The following CDC45 variants were observed in gnomAD, a reference collection of about 807,000 sequenced individuals.
CDC45 encodes cell division control protein 45 homolog.
CDC45 carries 54 observed loss-of-function variants against 77.8 expected under a neutral mutation model. The observed-to-expected ratio is 0.69, with a 90% CI of 0.56 to 0.87. CDC45 has a LOEUF of 0.87. CDC45 is among the 40% of genes least tolerant of loss of function. The pLI is 0.00. For missense variants in CDC45, 649 were observed against 721.6 expected, an observed-to-expected ratio of 0.90 and a Z score of 1.15; for synonymous variants, 260 against 272.1, an observed-to-expected ratio of 0.96 and a Z score of 0.44.
chr22:19,519,008 G>C, intron 18 of CDC45, 99 bp downstream of exon 18: 1 of 914,494 alleles, frequency 1.1e-6, no homozygotes, highest in Admixed American at 1.9e-5. Flanking sequence ...CTTCTACTTG[G>C]GTTTCAGACC....
chr22:19,490,781 C>T (rs1046027330), intron 5 of CDC45, among the ~76,000 whole-genome samples: 2 of 151,266 alleles, frequency 1.3e-5, no homozygotes, highest in Non-Finnish European at 2.9e-5. Flanking sequence ...TCACAGTCTA[C>T]TGGTATCATC....
At chr22:19,508,315 A>T (rs1003431105) in intron 12 of CDC45, among the ~76,000 whole-genome samples, 1 of 152,206 alleles carries the variant, frequency 6.6e-6, no homozygotes, top group African/African-American at 2.4e-5. Context: ...CCCCTAAGCC[A>T]GCCATAAAGC....
chr22:19,511,529 C>T (rs1040662451), intron 13 of CDC45, among the ~76,000 whole-genome samples: 1 of 151,994 alleles, frequency 6.6e-6, no homozygotes, highest in African/African-American at 2.4e-5. Context: ...GAGATCTTAC[C>T]ATGTTGCTCA....
At position 19,489,748 on chromosome 22, in the gene CDC45, A is replaced by G. The variant is rs145997643; in HGVS notation, c.487-4579A>G. 1.1e-4 allele frequency among the ~76,000 whole-genome samples: 17 copies of G among 152,384 alleles called. No individual in the cohort carries two copies. The East Asian group carries it at 2.7e-3, about 24-fold the overall frequency. On this transcript the variant is annotated intron_variant, in intron 5 of 18. Coordinates refer to ENST00000263201, the MANE Select transcript of CDC45 (RefSeq NM_003504.5). ...CATTTGCAGTCAGTCAAAAAAATGC[A>G]TAGTCTGCTGTTGTTGGGTAGAGTT...
At chr22:19,517,169 C>T (rs1240035522) in intron 17 of CDC45, among the ~76,000 whole-genome samples, 5 of 152,260 alleles carry the variant, frequency 3.3e-5, no homozygotes, top group Admixed American at 6.5e-5. Context: ...ACTTTCCCAG[C>T]AAGCCTAGGG....
intron 9 of CDC45, among the ~76,000 whole-genome samples, chr22:19,503,282 A>G (rs780286685): frequency 1.6e-4 from 25 of 152,188 alleles, no homozygotes; most frequent in Admixed American, 6.5e-5. Context: ...TTGTCTTCCC[A>G]GTTTCACAAG....
At chr22:19,486,630 T>C (rs576854408) in intron 5 of CDC45, among the ~76,000 whole-genome samples, 93 of 152,204 alleles carry the variant, frequency 6.1e-4, no homozygotes, top group Non-Finnish European at 1.2e-3. Context: ...AGAATACTTT[T>C]TATATAATTA....
At chr22:19,492,588 G>A (rs1329355663) in intron 5 of CDC45, among the ~76,000 whole-genome samples, 1 of 152,090 alleles carries the variant, frequency 6.6e-6, no homozygotes, top group Admixed American at 6.5e-5. Context: ...TAACAACTCT[G>A]TCATCTTGCT....
At position 19,520,064 on chromosome 22, in the gene CDC45, T is replaced by C. The variant is rs1238278339; in HGVS notation, c.*2-417T>C. 3.9e-5 allele frequency among the ~76,000 whole-genome samples: 6 copies of C among 152,130 alleles called. No homozygotes were observed. Among genetic ancestry groups the C allele is most frequent in the South Asian group, 4.1e-4 (2 of 4,824 alleles). On this transcript the variant is annotated intron_variant, in intron 18 of 18. Transcript: ENST00000263201. This position sits in a 1 kb window ranked among gnomAD's most constrained non-coding sequence, Gnocchi z 4.5. The stretch of plus-strand genomic sequence containing the variant: ...GGCTCTCTGGCAGTGGAGTGGGTGC[T>C]AGAGGCAAACCCCTCCCCTGCAGCC...
rs147990927 is a variant in CDC45 at position 19,505,371 on chromosome 22, C to T, written c.714C>T (p.Tyr238=). Residue 238 remains tyrosine (Y), a synonymous_variant, in exon 10 of 19, where the codon TAC becomes TAT. Transcript: ENST00000263201. ...CTACTTTTTTTTCCAGAATGAAATACGTGACTGATGTTGGTGTCCTGCAGC... is the reference window on the plus strand; with the variant it reads ...CTACTTTTTTTTCCAGAATGAAATATGTGACTGATGTTGGTGTCCTGCAGC... ...WVQDKITQMK[Y]VTDVGVLQRH... is the part of the protein sequence containing the mutation. 6.6e-5 allele frequency: 106 copies of T among 1,614,028 alleles called. No individual in the cohort carries two copies. In the East Asian group the frequency reaches 1.6e-3, roughly 25 times the overall value.
chr22:19,487,286 T>C (rs866282649), intron 5 of CDC45, among the ~76,000 whole-genome samples: 66 of 129,348 alleles, frequency 5.1e-4, no homozygotes, highest in African/African-American at 1.9e-3. Flanking sequence ...AGCAATACTC[T>C]TGTCTCAAAA....
chr22:19,483,205 G>A (rs966195278), intron 4 of CDC45, among the ~76,000 whole-genome samples: 2 of 152,222 alleles, frequency 1.3e-5, no homozygotes, highest in African/African-American at 4.8e-5. Context: ...GGCCGAGGCA[G>A]GCGGATTACG....
intron 5 of CDC45, among the ~76,000 whole-genome samples, chr22:19,488,140 G>C (rs1272094474): frequency 1.3e-5 from 2 of 152,222 alleles, no homozygotes; most frequent in Non-Finnish European, 2.9e-5. Flanking sequence ...CTTTGTGACT[G>C]TAGGCAAGTG....
intron 5 of CDC45, among the ~76,000 whole-genome samples, chr22:19,489,560 T>C (rs181981130): frequency 6.6e-6 from 1 of 152,352 alleles, no homozygotes; most frequent in Admixed American, 6.5e-5. Context: ...CATGTTTGCT[T>C]GTATCAATGG....
chr22:19,503,352 G>A lies in CDC45; in HGVS notation c.705-2010G>A, dbSNP rs117731850. 2.2e-4 allele frequency among the ~76,000 whole-genome samples: 33 copies of A among 152,214 alleles called. No individual in the cohort carries two copies. In the East Asian group the frequency reaches 4.8e-3, roughly 22 times the overall value. On this transcript the variant is annotated intron_variant, in intron 9 of 18. Coordinates refer to ENST00000263201, the MANE Select transcript of CDC45 (RefSeq NM_003504.5). ...CAATATTTCTCATTCCAGCTGAGAC[G>A]ATATACACACAACAAAAATGCAGAC...
In CDC45 at chr22:19,497,448, G is replaced by C. The variant is rs763308441; in HGVS notation, c.653+1G>C. On this transcript the variant is annotated splice_donor_variant, in intron 8 of 18. Transcript: ENST00000263201. LOFTEE classifies it high-confidence loss of function. Reference sequence around the variant, plus strand: ...CCAAGGACCTGAATGACATGCTGTGGTACGTAGCCCCTGCGGCAGCTGTGT... The same window carrying C: ...CCAAGGACCTGAATGACATGCTGTGCTACGTAGCCCCTGCGGCAGCTGTGT... 6.2e-7 allele frequency: 1 copy of C among 1,613,668 alleles called. No individual in the cohort carries two copies. The highest frequency in any genetic ancestry group is 8.5e-7 in the Non-Finnish European group (1 of 1,179,582).
chr22:19,503,973 C>T (rs530228030), intron 9 of CDC45, among the ~76,000 whole-genome samples: 2 of 152,254 alleles, frequency 1.3e-5, no homozygotes, highest in African/African-American at 2.4e-5. Context: ...AGGCAGGGCA[C>T]GGGTGGCAGC....
chr22:19,480,254 C>T (rs747115945), intron 2 of CDC45, 37 bp downstream of exon 2: 14 of 1,596,140 alleles, frequency 8.8e-6, no homozygotes, highest in Non-Finnish European at 1.1e-5. Flanking sequence ...GGGGCCGGCG[C>T]GCGAGGTGAG....
rs748649876 is a variant in CDC45, at chr22:19,514,855, C to T, written c.1324C>T (p.Gln442Ter). 2 of 1,614,236 alleles carry T rather than the reference C, an allele frequency of 1.2e-6. No individual in the cohort carries two copies. Among genetic ancestry groups the T allele is most frequent in the Non-Finnish European group, 1.7e-6 (2 of 1,180,042 alleles). ...CCTTTGCACCAACCTCGTCATCTCC[C>T]AGGGGCCTTTCCTGTACTGCTCTCT... is the stretch of plus-strand genomic sequence containing the variant. ...SCLCTNLVIS[Q>*]GPFLYCSLME... Residue 442 changes from glutamine to a stop codon, truncating the protein, a stop_gained, in exon 14 of 19, where the codon CAG becomes TAG. Transcript: ENST00000263201. LOFTEE classifies it high-confidence loss of function.
Sources: gnomAD v4.1 joint callset for allele counts (sites outside exome capture counted in the v4.1 genomes callset) on GRCh38, gnomAD v4.1.1 for gene constraint, Gnocchi (gnomAD v3.1) non-coding constraint, MANE v1.5 for transcripts, NCBI Gene and HGNC (gene_info 2026-07-23, HGNC 2026-07-21) for gene names.